EIF3K: variants seen among roughly 807,000 people sequenced by gnomAD.
The protein encoded by EIF3K is eukaryotic translation initiation factor 3 subunit K.
In EIF3K, 27 loss-of-function variants were observed where a neutral mutation model predicts 34.2. The ratio of observed to expected loss-of-function variants is 0.79; its 90% CI spans 0.58 to 1.09. EIF3K has a LOEUF of 1.09. Among genes scored for constraint, EIF3K ranks in the 50% least tolerant of loss-of-function variants. EIF3K has a pLI of 0.00. For missense variants in EIF3K, 232 were observed against 275.4 expected (o/e 0.84, Z 1.11); for synonymous variants, 105 against 105.7 (o/e 0.99, Z 0.04).
At chr19:38,631,806 C>A in intron 4 of EIF3K, among the ~76,000 whole-genome samples, 1 of 152,318 alleles carries the variant, frequency 6.6e-6, no homozygotes. Context: ...TGCGGTCTTC[C>A]GCAGTGTTTG....
intron 4 of EIF3K, among the ~76,000 whole-genome samples, chr19:38,627,329 C>T (rs1435708543): frequency 3.3e-5 from 5 of 151,918 alleles, no homozygotes; most frequent in African/African-American, 4.8e-5. Flanking sequence ...ACTTCCTGCC[C>T]GGTATCAGTC....
In EIF3K at chr19:38,636,871, GTC is replaced by G. The variant is rs1186733218; in HGVS notation, c.626-13_626-12del. ...TCCCGCCCTTCTCACCTTCAGTCTG[GTC>G]TCTCCTTCCCCACAGGTGTGTCCAG... On this transcript the variant is annotated splice_polypyrimidine_tract_variant and intron_variant, in intron 7 of 7. Coordinates refer to ENST00000248342, the MANE Select transcript of EIF3K (RefSeq NM_013234.4). The G allele has an allele frequency of 5.0e-6, 8 of 1,614,030 alleles. No homozygotes were observed. In the Admixed American group the frequency reaches 1.0e-4, roughly 20 times the overall value.
At chr19:38,625,839 C>T (rs541502919) in intron 3 of EIF3K, among the ~76,000 whole-genome samples, 189 bp from the exon 4 acceptor site, 2 of 152,300 alleles carry the variant, frequency 1.3e-5, no homozygotes, top group Admixed American at 1.3e-4. Context: ...CCATTACAAA[C>T]AGTCCTGCAG....
At chr19:38,626,304 C>G (rs1031069148) in intron 4 of EIF3K, 19 of 597,942 alleles carry the variant, frequency 3.2e-5, no homozygotes, top group Non-Finnish European at 5.4e-5. Flanking sequence ...TGAGGCCGAC[C>G]CTTTCCCCTT....
At chr19:38,630,689 T>C (rs1976046301) in intron 4 of EIF3K, 1 of 151,250 alleles carries the variant, frequency 6.6e-6, no homozygotes, top group South Asian at 2.1e-4. Flanking sequence ...TGTTTTGTTT[T>C]GTTTTGAGAC....
chr19:38,624,074 T>G lies in EIF3K; in HGVS notation c.159-3T>G. 1 of 1,614,072 alleles carries G rather than the reference T, an allele frequency of 6.2e-7. No individual in the cohort carries two copies. The stretch of plus-strand genomic sequence containing the variant: ...TGGCCACGTCTCTTGTTCTTTTTCT[T>G]AGGTACCAGTTCAACCCAGCCTTCT... On this transcript the variant is annotated splice_region_variant and splice_polypyrimidine_tract_variant and intron_variant, in intron 2 of 7. Coordinates refer to ENST00000248342, the MANE Select transcript of EIF3K (RefSeq NM_013234.4).
chr19:38,626,274 T>A, intron 4 of EIF3K, 172 bp downstream of exon 4: 1 of 665,242 alleles, frequency 1.5e-6, no homozygotes. Context: ...TACTCACAGG[T>A]CATCCCCGTG....
At chr19:38,632,134 G>A (rs537618575) in intron 4 of EIF3K, 1 of 369,050 alleles carries the variant, frequency 2.7e-6, no homozygotes, top group Admixed American at 4.3e-5. Flanking sequence ...TACCAGTGTA[G>A]GCTGGGAGTG....
At chr19:38,622,099 C>CT (rs761519463) in intron 2 of EIF3K, among the ~76,000 whole-genome samples, 10,543 of 135,272 alleles carry the variant, frequency 0.078, 685 homozygotes, top group African/African-American at 0.17. Flanking sequence ...TCTTTCTTTC[C>CT]TTTTTTTTTT....
At chr19:38,623,296 T>C (rs1289507713) in intron 2 of EIF3K, among the ~76,000 whole-genome samples, 1 of 152,238 alleles carries the variant, frequency 6.6e-6, no homozygotes, top group African/African-American at 2.4e-5. Flanking sequence ...TTGGGGTCCC[T>C]GACTTCCCGC....
At chr19:38,624,989 G>C (rs1975918890) in intron 3 of EIF3K, among the ~76,000 whole-genome samples, 1 of 152,056 alleles carries the variant, frequency 6.6e-6, no homozygotes, top group Non-Finnish European at 1.5e-5. Flanking sequence ...TCCTGGAGGA[G>C]GGAACATCTA....
At position 38,624,292 on chromosome 19, in the gene EIF3K, A is replaced by G. The variant is rs1226048026; in HGVS notation, c.279+95A>G. 4 of 1,562,602 alleles carry G rather than the reference A, an allele frequency of 2.6e-6. No individual in the cohort carries two copies. In the African/African-American group the frequency reaches 5.4e-5, roughly 21 times the overall value. On this transcript the variant is annotated intron_variant, in intron 3 of 7. Coordinates refer to ENST00000248342, the MANE Select transcript of EIF3K (RefSeq NM_013234.4). The stretch of plus-strand genomic sequence containing the variant: ...GGAGATGGTCTGTGGGTGTATCCAC[A>G]AACAACAAGTGCCTGCTCTGGTCCA...
intron 2 of EIF3K, among the ~76,000 whole-genome samples, chr19:38,621,980 A>ACTTAGCCTT: frequency 7.1e-6 from 1 of 140,826 alleles, no homozygotes; most frequent in Middle Eastern, 3.8e-3. Context: ...GTCATGGCTC[A>ACTTAGCCTT]CTGCATCCTT....
At chr19:38,625,291 A>G (rs1294174166) in intron 3 of EIF3K, among the ~76,000 whole-genome samples, 1 of 151,788 alleles carries the variant, frequency 6.6e-6, no homozygotes, top group Non-Finnish European at 1.5e-5. Flanking sequence ...CCTCCTGAGC[A>G]GCTGGGACCA....
intron 7 of EIF3K, among the ~76,000 whole-genome samples, chr19:38,636,547 A>G (rs991257098): frequency 4.5e-4 from 68 of 151,960 alleles, no homozygotes; most frequent in African/African-American, 1.6e-3. Flanking sequence ...GGTAATTACA[A>G]ACAACACTTC....
Position 38,632,571 on chromosome 19 carries a change from G to C in EIF3K, c.422-30G>C, listed in dbSNP as rs200651553. ...GGCAGCCAGGTCCGGGGGGACAGCT[G>C]CTCACCGGTTTTGTCTCTGACCTCC... On this transcript the variant is annotated intron_variant, in intron 5 of 7. Coordinates refer to ENST00000248342, the MANE Select transcript of EIF3K (RefSeq NM_013234.4). 2.6e-3 allele frequency: 4,229 copies of C among 1,613,268 alleles called. 10 individuals are homozygous for C. Among genetic ancestry groups the C allele is most frequent in the Non-Finnish European group, 3.4e-3 (3,975 of 1,179,348 alleles).
rs752707777 is a variant in EIF3K, at chr19:38,624,186, G to A, written c.268G>A (p.Asp90Asn). ...TDFTLCKCMI[D>N]QAHQEERPIR... ...CTTCACCCTGTGCAAGTGCATGATC[G>A]ACCAGGCACATGTATCCTTCCAGCA... The change falls in exon 3 of 8, where the codon GAC becomes AAC. Residue 90 changes from aspartate (D) to asparagine (N), a missense_variant. Coordinates refer to ENST00000248342, the MANE Select transcript of EIF3K (RefSeq NM_013234.4). 64 of 1,613,936 alleles carry A rather than the reference G, an allele frequency of 4.0e-5. No homozygotes were observed. Among genetic ancestry groups the A allele is most frequent in the Non-Finnish European group, 5.2e-5 (61 of 1,180,010 alleles).
chr19:38,621,248 C>T (rs371888120), intron 2 of EIF3K, among the ~76,000 whole-genome samples: 1 of 150,442 alleles, frequency 6.6e-6, no homozygotes, highest in East Asian at 1.9e-4. Context: ...ATGGCACAAC[C>T]CTGTCTCTAC....
Position 38,636,916 on chromosome 19 carries a change from A to G in EIF3K, c.653A>G (p.Gln218Arg). 6.2e-7 allele frequency: 1 copy of G among 1,613,974 alleles called. No individual in the cohort carries two copies. The highest frequency in any genetic ancestry group is 2.2e-5 in the East Asian group (1 of 44,870). The change falls in exon 8 of 8, where the codon CAG becomes CGG. Residue 218 changes from glutamine (Q) to arginine (R), a missense_variant. Physicochemically the swap from Gln to Arg is conservative, Grantham distance 43. Transcript: ENST00000248342. ...GTGTCCAGCATCATGGCCTCCTCCC[A>G]GTAACTTCAGGTGTTTAATAAAGAT... ...DSVSSIMASSQ is the reference protein window; with the variant it reads ...DSVSSIMASSR
Sources: gnomAD v4.1 joint callset for allele counts (sites outside exome capture counted in the v4.1 genomes callset) on GRCh38, gnomAD v4.1.1 for gene constraint, MANE v1.5 for transcripts, NCBI Gene and HGNC (gene_info 2026-07-23, HGNC 2026-07-21) for gene names.